Variants in PCNX2 observed in about 807,000 individuals in gnomAD.
PCNX2 encodes pecanex 2, also known as pecanex-like protein 2.
In PCNX2, 168 loss-of-function variants were observed where a neutral mutation model predicts 223.8. The observed-to-expected ratio is 0.75, with a 90% confidence interval of 0.66 to 0.85. PCNX2 has a LOEUF of 0.85. Among genes scored for constraint, PCNX2 ranks in the 40% least tolerant of loss-of-function variants. PCNX2 has a pLI of 0.00. For missense variants in PCNX2, 2,507 were observed against 2,675.5 expected, an observed-to-expected ratio of 0.94 and a Z score of 1.39; for synonymous variants, 1,006 against 1,052.6, an observed-to-expected ratio of 0.96 and a Z score of 0.86.
intron 25 of PCNX2, among the ~76,000 whole-genome samples, chr1:233,041,630 C>G (rs1671649259): frequency 6.6e-6 from 1 of 152,224 alleles, no homozygotes. Flanking sequence ...ACCCAGCACT[C>G]TGGGTGGAGA....
At chr1:233,217,815 G>C (rs985327563) in intron 12 of PCNX2, 84 bp downstream of exon 12, 104 of 1,466,072 alleles carry the variant, frequency 7.1e-5, no homozygotes, top group Non-Finnish European at 9.3e-5. Context: ...GTACAGACTT[G>C]GCCCTTTGAC....
chr1:233,026,226 C>A (rs183632329), intron 25 of PCNX2, among the ~76,000 whole-genome samples: 1 of 152,110 alleles, frequency 6.6e-6, no homozygotes, highest in Non-Finnish European at 1.5e-5. Flanking sequence ...GGGAACTCAG[C>A]GCAGATAACT....
the PCNX2 span, among the ~76,000 whole-genome samples, chr1:233,307,646 T>C: frequency 2.0e-5 from 3 of 152,224 alleles, no homozygotes; most frequent in Admixed American, 2.0e-4. Flanking sequence ...GTAGCTTCCA[T>C]TGAATAATCT....
At chr1:233,034,328 GCT>G (rs1671371987) in intron 25 of PCNX2, among the ~76,000 whole-genome samples, 1 of 152,146 alleles carries the variant, frequency 6.6e-6, no homozygotes, top group Non-Finnish European at 1.5e-5. Flanking sequence ...GAGAGAACTT[GCT>G]CTCTCTCTGT....
intron 25 of PCNX2, among the ~76,000 whole-genome samples, chr1:233,026,167 G>T (rs779529514): frequency 2.6e-5 from 4 of 152,154 alleles, no homozygotes; most frequent in African/African-American, 7.2e-5. Context: ...ATAGGGGATC[G>T]GAGAAGGTCT....
chr1:233,011,055 A>C (rs1050510565), intron 28 of PCNX2, among the ~76,000 whole-genome samples: 5 of 152,216 alleles, frequency 3.3e-5, no homozygotes, highest in African/African-American at 1.2e-4. Context: ...AGTACACCTA[A>C]GGACATACTC....
the PCNX2 span, among the ~76,000 whole-genome samples, chr1:233,317,977 C>G: frequency 6.6e-6 from 1 of 152,216 alleles, no homozygotes; most frequent in Non-Finnish European, 1.5e-5. Context: ...TGCTCAGCAA[C>G]TGATGGTGGG....
chr1:233,026,997 G>C (rs1671100601), intron 25 of PCNX2, among the ~76,000 whole-genome samples: 1 of 152,186 alleles, frequency 6.6e-6, no homozygotes, highest in Non-Finnish European at 1.5e-5. Context: ...AGAGTGTACA[G>C]AGAGTATGGA....
At chr1:233,110,351 G>C (rs929741014) in intron 21 of PCNX2, among the ~76,000 whole-genome samples, 1 of 152,192 alleles carries the variant, frequency 6.6e-6, no homozygotes, top group African/African-American at 2.4e-5. Context: ...GCAGGTCATA[G>C]AGGGACATCT....
intron 15 of PCNX2, among the ~76,000 whole-genome samples, chr1:233,181,848 C>T (rs1679821035): frequency 6.6e-6 from 1 of 152,210 alleles, no homozygotes; most frequent in African/African-American, 2.4e-5. Context: ...TCTGTAATCA[C>T]CTCACAAAGC....
At position 232,983,578 on chromosome 1, in the gene PCNX2, A is replaced by AGG. The variant is rs1669340916; in HGVS notation, c.*724_*725dup. ...CCCACCAATCGCCTGGACTACAGTG[A>AGG]GGAGCATTGTGTGACTCCGCGGTGG... On this transcript the variant is annotated 3_prime_UTR_variant, in exon 34 of 34. Transcript: ENST00000258229. 1 of 152,200 alleles carries AGG rather than the reference A, an allele frequency of 6.6e-6. No individual in the cohort carries two copies. The highest frequency in any genetic ancestry group is 2.1e-4 in the South Asian group (1 of 4,830). 9.4% of individuals were successfully genotyped at this position (152,200 alleles called of 1,614,324 possible).
At chr1:233,200,506 G>A (rs1477653696) in intron 13 of PCNX2, among the ~76,000 whole-genome samples, 1 of 150,348 alleles carries the variant, frequency 6.7e-6, no homozygotes, top group African/African-American at 2.5e-5. Context: ...CTCTCACCCG[G>A]AGGAAACTGG....
intron 21 of PCNX2, among the ~76,000 whole-genome samples, chr1:233,117,602 A>AG: frequency 7.1e-6 from 1 of 140,988 alleles, no homozygotes; most frequent in East Asian, 2.3e-4. Context: ...CTCCGTCTAA[A>AG]GAAAAAAAAA....
At chr1:233,109,370 G>A (rs1019599603) in intron 21 of PCNX2, among the ~76,000 whole-genome samples, 2 of 152,174 alleles carry the variant, frequency 1.3e-5, no homozygotes, top group Non-Finnish European at 2.9e-5. Context: ...ATAGTGGAAC[G>A]ATCTGACAGG....
intron 19 of PCNX2, among the ~76,000 whole-genome samples, chr1:233,149,497 C>T (rs1239331495): frequency 6.6e-6 from 1 of 152,084 alleles, no homozygotes; most frequent in African/African-American, 2.4e-5. Context: ...TGGTGTCACC[C>T]CTGAGGCATC....
At chr1:233,207,131 G>A (rs1289873449) in intron 13 of PCNX2, among the ~76,000 whole-genome samples, 1 of 152,122 alleles carries the variant, frequency 6.6e-6, no homozygotes, top group East Asian at 1.9e-4. Context: ...GGGCACTGGG[G>A]GAGTAAGAAT....
At chr1:233,098,919 C>T (rs920330588) in intron 21 of PCNX2, among the ~76,000 whole-genome samples, 2 of 152,164 alleles carry the variant, frequency 1.3e-5, no homozygotes, top group African/African-American at 4.8e-5. Flanking sequence ...CAGTGCCTGG[C>T]AAACATAAAT....
intron 8 of PCNX2, chr1:233,241,321 G>A (rs963133958): frequency 1.8e-5 from 18 of 985,292 alleles, no homozygotes; most frequent in Non-Finnish European, 2.0e-5. Flanking sequence ...CTGAGCGGCA[G>A]GGCCAATTCT....
chr1:233,139,162 A>G lies in PCNX2; in HGVS notation c.3659+552T>C, dbSNP rs141230804. ...TTGTAAATTCAGAATTAATTTTAAT[A>G]TATGAAACCAATAACTCGACTGTAC... is the stretch of plus-strand genomic sequence containing the variant. On this transcript the variant is annotated intron_variant, in intron 20 of 33. Transcript: ENST00000258229. This position sits in a 1 kb window ranked among gnomAD's most constrained non-coding sequence, Gnocchi z 4.4. Among the ~76,000 whole-genome samples, 701 of 152,342 alleles carry G rather than the reference A, an allele frequency of 4.6e-3. 6 individuals carry two copies. The highest frequency in any genetic ancestry group is 0.015 in the African/African-American group (642 of 41,578).
Sources: allele counts gnomAD v4.1 joint callset (sites outside exome capture counted in the v4.1 genomes callset), GRCh38; gene constraint gnomAD v4.1.1; non-coding constraint Gnocchi (gnomAD v3.1); transcripts MANE v1.5; gene names NCBI Gene and HGNC (gene_info 2026-07-23, HGNC 2026-07-21).